The following CLIP2 variants were observed in gnomAD, a reference collection of about 807,000 sequenced individuals.
CLIP2 encodes the protein CAP-Gly domain-containing linker protein 2.
CLIP2 carries 41 observed loss-of-function variants against 111.7 expected under a neutral mutation model. The ratio of observed to expected loss-of-function variants is 0.37; its 90% CI spans 0.29 to 0.48. The LOEUF (loss-of-function observed/expected upper bound fraction) is 0.48, where lower values mean the gene tolerates loss of function less well. Among genes scored for constraint, CLIP2 ranks in the 20% least tolerant of loss-of-function variants. CLIP2 has a pLI of 0.99. For synonymous variants in CLIP2, 660 were observed against 644.2 expected, an observed-to-expected ratio of 1.02 and a Z score of -0.37; for missense variants, 1,160 against 1,422.1, an observed-to-expected ratio of 0.82 and a Z score of 2.96.
intron 9 of CLIP2, 121 bp from the exon 10 acceptor site, chr7:74,375,765 TC>T: frequency 1.3e-6 from 1 of 776,520 alleles, no homozygotes; most frequent in Non-Finnish European, 2.0e-6. Flanking sequence ...TCCCATGACC[TC>T]CACCTGCTGG....
At position 74,373,019 on chromosome 7, in the gene CLIP2, G is replaced by GAATTAGCGGACAACAGGGTAACC; in HGVS notation, c.1469_1485+6dup. 1 of 1,585,832 alleles carries GAATTAGCGGACAACAGGGTAACC rather than the reference G, an allele frequency of 6.3e-7. No individual in the cohort carries two copies. The highest frequency in any genetic ancestry group is 8.6e-7 in the Non-Finnish European group (1 of 1,167,788). Reference sequence around the variant, plus strand: ...GGCGCAGGCCGAGCGGCTGCTCCGAGAATTAGCGGACAACAGGGTAACCGC... The same window carrying GAATTAGCGGACAACAGGGTAACC: ...GGCGCAGGCCGAGCGGCTGCTCCGAGAATTAGCGGACAACAGGGTAACCAATTAGCGGACAACAGGGTAACCGC... On this transcript the variant is annotated frameshift_variant, in exon 9 of 17. Transcript: ENST00000223398. LOFTEE classifies it high-confidence loss of function.
intron 12 of CLIP2, among the ~76,000 whole-genome samples, chr7:74,387,767 G>A (rs1791157021): frequency 6.6e-6 from 1 of 152,146 alleles, no homozygotes; most frequent in Admixed American, 6.6e-5. Flanking sequence ...GTGTGATATC[G>A]CTCCCCACAC....
chr7:74,335,146 C>T (rs1040704415), intron 2 of CLIP2, among the ~76,000 whole-genome samples: 9 of 151,704 alleles, frequency 5.9e-5, no homozygotes, highest in Non-Finnish European at 8.8e-5. Context: ...TGGTGCATGC[C>T]TGTAATCCCA....
At chr7:74,318,702 A>G (rs537007754) in intron 2 of CLIP2, among the ~76,000 whole-genome samples, 2 of 152,208 alleles carry the variant, frequency 1.3e-5, no homozygotes, top group South Asian at 4.1e-4. Context: ...TACAAGAGTG[A>G]AACTCCATTT....
At chr7:74,343,057 G>A (rs1405450657) in intron 3 of CLIP2, among the ~76,000 whole-genome samples, 4 of 150,756 alleles carry the variant, frequency 2.7e-5, no homozygotes, top group South Asian at 2.1e-4. Flanking sequence ...AAATGGTGAC[G>A]GGCGCCTGTA....
Position 74,312,258 on chromosome 7 carries a change from A to T in CLIP2, c.-67-5222A>T, listed in dbSNP as rs576801480. On this transcript the variant is annotated intron_variant, in intron 1 of 16. Transcript: ENST00000223398. ...GTCTCCAAATAAATAAATAAATAAAATAATGAAAGTTTGTTATTAGATACG... is the reference window on the plus strand; with the variant it reads ...GTCTCCAAATAAATAAATAAATAAATTAATGAAAGTTTGTTATTAGATACG... Among the ~76,000 whole-genome samples, 598 of 152,212 alleles carry T rather than the reference A, an allele frequency of 3.9e-3. 3 individuals carry two copies. The highest frequency in any genetic ancestry group is 0.014 in the African/African-American group (574 of 41,548).
Position 74,376,511 on chromosome 7 carries a change from C to A in CLIP2, c.2110C>A (p.Arg704=). The stretch of plus-strand genomic sequence containing the variant: ...GCTGGCTGGGCTGCAGCGGCACTGG[C>A]GGGCCCAGCTGGAGGTGCAAGCCAG... ...EELAGLQRHW[R]AQLEVQASQH... is the part of the protein sequence containing the mutation. Residue 704 remains arginine (R), a synonymous_variant, in exon 10 of 17, where the codon CGG becomes AGG. Coordinates refer to ENST00000223398, the MANE Select transcript of CLIP2 (RefSeq NM_003388.5). The surrounding 1 kb of genome is among the most constrained non-coding windows in gnomAD (Gnocchi z 7.1). The A allele has an allele frequency of 6.2e-7, 1 of 1,604,692 alleles. No individual in the cohort carries two copies. The highest frequency in any genetic ancestry group is 8.5e-7 in the Non-Finnish European group (1 of 1,176,680).
At chr7:74,397,659 T>TG (rs1554316910) in intron 14 of CLIP2, among the ~76,000 whole-genome samples, 13 of 80,026 alleles carry the variant, frequency 1.6e-4, no homozygotes, top group African/African-American at 8.5e-4. Flanking sequence ...GTGGCTGAGT[T>TG]TTTTTTGTTT....
intron 1 of CLIP2, among the ~76,000 whole-genome samples, chr7:74,317,146 G>T (rs1467263620): frequency 6.6e-6 from 1 of 152,212 alleles, no homozygotes; most frequent in African/African-American, 2.4e-5. Context: ...AAGACACAAA[G>T]CTTTAATGGT....
In CLIP2 at chr7:74,300,272, C is replaced by T. The variant is rs557278276; in HGVS notation, c.-68+10538C>T. Among the ~76,000 whole-genome samples the T allele has an allele frequency of 3.9e-5, 6 of 152,140 alleles. No individual in the cohort carries two copies. In the South Asian group the frequency reaches 8.3e-4, roughly 21 times the overall value. ...AAAGTGCTGGGATTACAGGCATGAG[C>T]CCCCACACCCAGCCTCTTCCCACCT... On this transcript the variant is annotated intron_variant, in intron 1 of 16. Coordinates refer to ENST00000223398, the MANE Select transcript of CLIP2 (RefSeq NM_003388.5).
At chr7:74,300,582 A>G (rs1308650364) in intron 1 of CLIP2, among the ~76,000 whole-genome samples, 1 of 151,774 alleles carries the variant, frequency 6.6e-6, no homozygotes, top group Admixed American at 6.6e-5. Context: ...CAGCCTCCCA[A>G]GTAGCTGGGA....
intron 2 of CLIP2, among the ~76,000 whole-genome samples, chr7:74,323,137 G>T (rs944752314): frequency 8.0e-5 from 12 of 150,442 alleles, no homozygotes; most frequent in East Asian, 5.9e-4. Flanking sequence ...TTGAGATAGG[G>T]TCTCGTTCTG....
At chr7:74,388,582 G>T (rs1791187236) in intron 12 of CLIP2, 2 of 152,110 alleles carry the variant, frequency 1.3e-5, no homozygotes, top group African/African-American at 4.8e-5. Flanking sequence ...GATTGTTTGA[G>T]GTCAGGAGTT....
At chr7:74,368,138 G>A (rs985389778) in intron 8 of CLIP2, among the ~76,000 whole-genome samples, 6 of 152,060 alleles carry the variant, frequency 3.9e-5, no homozygotes, top group South Asian at 2.1e-4. Flanking sequence ...GCTTGAGTCC[G>A]GGCAGTTGAG....
chr7:74,338,319 T>G lies in CLIP2; in HGVS notation c.122-129T>G, dbSNP rs963626746. ...GAGTTCGAGACCAGCCTGGCCGAGA[T>G]GGTGAAACCCCATCTCTACCCAAAA... On this transcript the variant is annotated intron_variant, in intron 2 of 16. Transcript: ENST00000223398. This position sits in a 1 kb window ranked among gnomAD's most constrained non-coding sequence, Gnocchi z 4.3. 1 of 1,027,160 alleles carries G rather than the reference T, an allele frequency of 9.7e-7. No individual in the cohort carries two copies. 63.6% of individuals were successfully genotyped at this position (1,027,160 alleles called of 1,614,324 possible). A position where few individuals can be genotyped will look rare whatever the true frequency, so the allele number is the denominator to read the frequency against.
intron 1 of CLIP2, among the ~76,000 whole-genome samples, chr7:74,293,920 T>C (rs1272055021): frequency 6.6e-6 from 1 of 151,636 alleles, no homozygotes; most frequent in Non-Finnish European, 1.5e-5. Flanking sequence ...GGCTTTTTTT[T>C]TGTTTTTTTT....
intron 1 of CLIP2, among the ~76,000 whole-genome samples, chr7:74,298,878 G>A (rs1477876601): frequency 5.9e-5 from 9 of 152,198 alleles, no homozygotes; most frequent in East Asian, 3.9e-4. Context: ...AAAAAGTTGC[G>A]CCCAGTGAGA....
intron 14 of CLIP2, 71 bp from the exon 15 acceptor site, chr7:74,400,290 ACTTTCCTGC>A: frequency 8.0e-7 from 1 of 1,246,766 alleles, no homozygotes; most frequent in Non-Finnish European, 1.1e-6. Flanking sequence ...AGGCTGGAAG[ACTTTCCTGC>A]CTAGAGTTGA....
chr7:74,364,631 C>G (rs966323260), intron 8 of CLIP2, among the ~76,000 whole-genome samples: 1 of 152,166 alleles, frequency 6.6e-6, no homozygotes, highest in Non-Finnish European at 1.5e-5. Context: ...GGCAATAGCC[C>G]TAAAGGTGCC....
Sources: gnomAD v4.1 joint callset for allele counts (sites outside exome capture counted in the v4.1 genomes callset) on GRCh38, gnomAD v4.1.1 for gene constraint, Gnocchi (gnomAD v3.1) non-coding constraint, MANE v1.5 for transcripts, NCBI Gene and HGNC (gene_info 2026-07-23, HGNC 2026-07-21) for gene names.